PAK3: variants seen among roughly 807,000 people sequenced by gnomAD.
PAK3 encodes the protein serine/threonine-protein kinase PAK 3.
PAK3 carries 4 observed loss-of-function variants against 41.0 expected under a neutral mutation model. That is an observed-to-expected ratio of 0.10 (90% CI 0.05 to 0.22). PAK3 has a LOEUF of 0.22. PAK3 is among the 10% of genes least tolerant of loss of function. The pLI is 1.00. For missense variants in PAK3, 205 were observed against 409.9 expected (o/e 0.50, Z 4.32); for synonymous variants, 146 against 139.6 (o/e 1.05, Z -0.32).
intron 1 of PAK3, among the ~76,000 whole-genome samples, chrX:111,042,075 A>G (rs2092457675): frequency 8.9e-6 from 1 of 111,908 alleles, no homozygotes; most frequent in African/African-American, 3.2e-5. Flanking sequence ...CTGTTTTTCC[A>G]CAGTGCCCTG....
chrX:111,007,318 C>G (rs1182978318), intron 1 of PAK3, among the ~76,000 whole-genome samples: 1 of 111,246 alleles, frequency 9.0e-6, no homozygotes. Context: ...AACAGAGCAC[C>G]TAGCAGAATA....
At chrX:110,982,711 CT>C (rs1177593013) in intron 1 of PAK3, among the ~76,000 whole-genome samples, 3 of 111,285 alleles carry the variant, frequency 2.7e-5, no homozygotes, top group Non-Finnish European at 5.7e-5. Flanking sequence ...AAAGGGTGAA[CT>C]TTTTCTTTTT....
At chrX:111,200,778 C>A (rs369617434) in intron 16 of PAK3, among the ~76,000 whole-genome samples, 5 of 112,253 alleles carry the variant, frequency 4.5e-5, no homozygotes, top group African/African-American at 1.6e-4. Flanking sequence ...TAATTTACAG[C>A]CTGCAAATTT....
chrX:111,141,690 T>G (rs1396039844), intron 5 of PAK3, among the ~76,000 whole-genome samples: 1 of 112,016 alleles, frequency 8.9e-6, no homozygotes, highest in African/African-American at 3.2e-5. Context: ...ACAATATCTT[T>G]ATTGAAAGCT....
chrX:111,097,919 C>G (rs2093038378), intron 3 of PAK3, among the ~76,000 whole-genome samples: 2 of 111,230 alleles, frequency 1.8e-5, no homozygotes, highest in African/African-American at 6.6e-5. Flanking sequence ...TAGGAGGTAG[C>G]CTGGGCAAGA....
intron 1 of PAK3, among the ~76,000 whole-genome samples, chrX:111,077,789 T>C (rs889860262): frequency 1.8e-5 from 2 of 111,624 alleles, no homozygotes; most frequent in Admixed American, 9.5e-5. Context: ...CACAGACAAC[T>C]AAAGCGAAAT....
chrX:111,022,849 T>A (rs2092208671), intron 1 of PAK3, among the ~76,000 whole-genome samples: 1 of 110,744 alleles, frequency 9.0e-6, no homozygotes, highest in African/African-American at 3.3e-5. Context: ...AAAAAGATAT[T>A]CCATGCAAAC....
chrX:111,041,835 G>C (rs2148771965), intron 1 of PAK3, among the ~76,000 whole-genome samples: 1 of 111,664 alleles, frequency 9.0e-6, no homozygotes, highest in Admixed American at 9.5e-5. Flanking sequence ...TCCATTCTCT[G>C]AATTGAGATT....
At chrX:111,181,478 C>A (rs978606265) in intron 11 of PAK3, among the ~76,000 whole-genome samples, 2 of 110,725 alleles carry the variant, frequency 1.8e-5, no homozygotes, top group South Asian at 3.8e-4. Context: ...AGCCCTCAGT[C>A]CCCCCCGTCT....
At chrX:110,988,632 G>C (rs2091589231) in intron 1 of PAK3, among the ~76,000 whole-genome samples, 1 of 111,783 alleles carries the variant, frequency 8.9e-6, no homozygotes. Flanking sequence ...AATCTGTCAA[G>C]TCTCAGATAA....
chrX:111,144,982 G>A (rs1010555506), intron 6 of PAK3: 30 of 664,951 alleles, frequency 4.5e-5, no homozygotes, highest in East Asian at 4.0e-4. Flanking sequence ...CTGTTATATC[G>A]TGCTGCCATT....
chrX:111,178,027 A>G (rs1356776309), intron 11 of PAK3, among the ~76,000 whole-genome samples: 1 of 111,455 alleles, frequency 9.0e-6, no homozygotes, highest in African/African-American at 3.3e-5. Context: ...AGTGCCTACT[A>G]TGTGTAATGG....
chrX:111,188,762 A>G (rs1485711474), intron 11 of PAK3, among the ~76,000 whole-genome samples: 1 of 112,155 alleles, frequency 8.9e-6, no homozygotes, highest in African/African-American at 3.2e-5. Flanking sequence ...ATGCTTACAT[A>G]GATTGTGCCA....
intron 6 of PAK3, among the ~76,000 whole-genome samples, chrX:111,144,692 T>TG (rs1330484710): frequency 9.0e-6 from 1 of 111,186 alleles, no homozygotes; most frequent in Non-Finnish European, 1.9e-5. Context: ...ACTGATTTGC[T>TG]GTGTTGCTTG....
At chrX:111,219,204 AT>A (rs1170345232) in intron 17 of PAK3, among the ~76,000 whole-genome samples, 64 of 92,437 alleles carry the variant, frequency 6.9e-4, no homozygotes, top group African/African-American at 3.1e-3. Context: ...AATAATAATA[AT>A]AATAATAATA....
intron 8 of PAK3, among the ~76,000 whole-genome samples, chrX:111,159,038 C>CT (rs2094139947): frequency 9.0e-6 from 1 of 111,314 alleles, no homozygotes; most frequent in Non-Finnish European, 1.9e-5. Context: ...TCATGCATTG[C>CT]TTTAAACATA....
At chrX:111,020,938 C>G (rs2092169142) in intron 1 of PAK3, among the ~76,000 whole-genome samples, 2 of 110,817 alleles carry the variant, frequency 1.8e-5, no homozygotes, top group African/African-American at 6.6e-5. Context: ...GTCATAATCC[C>G]CCTGGGTATA....
chrX:111,146,180 A>C (rs1013538174), intron 6 of PAK3, among the ~76,000 whole-genome samples: 1 of 112,283 alleles, frequency 8.9e-6, no homozygotes, highest in Non-Finnish European at 1.9e-5. Context: ...TCATGATGCC[A>C]TCCTTCTTGC....
At chrX:111,200,290 T>C (rs768602459) in intron 16 of PAK3, among the ~76,000 whole-genome samples, 1 of 112,286 alleles carries the variant, frequency 8.9e-6, no homozygotes, top group East Asian at 2.8e-4. Context: ...ATTTTGTATT[T>C]GGGAACTGCA....
Sources: allele counts gnomAD v4.1 joint callset (sites outside exome capture counted in the v4.1 genomes callset), GRCh38; gene constraint gnomAD v4.1.1; transcripts MANE v1.5; gene names NCBI Gene and HGNC (gene_info 2026-07-23, HGNC 2026-07-21).